Variants in LRRC8D observed in about 807,000 individuals in gnomAD.
LRRC8D encodes volume-regulated anion channel subunit LRRC8D.
A neutral mutation model predicts 55.8 loss-of-function variants in LRRC8D; 20 were observed. That is an observed-to-expected ratio of 0.36 (90% CI 0.25 to 0.52). LRRC8D has a LOEUF of 0.52. Ranked by LOEUF, LRRC8D falls within the 20% of genes least tolerant of loss-of-function variation. The probability of loss-of-function intolerance (pLI) is 0.93; values close to 1 mark genes in which losing one functional copy is unlikely to be tolerated. For missense variants in LRRC8D, 651 were observed against 1,030.8 expected (o/e 0.63, Z 5.05); for synonymous variants, 352 against 377.0 (o/e 0.93, Z 0.77).
chr1:89,858,326 A>G (rs966325941), intron 2 of LRRC8D, among the ~76,000 whole-genome samples: 3 of 152,206 alleles, frequency 2.0e-5, no homozygotes, highest in Non-Finnish European at 4.4e-5. Flanking sequence ...AGGGGATGTC[A>G]GGTAGTATCT....
intron 2 of LRRC8D, among the ~76,000 whole-genome samples, chr1:89,895,614 A>G (rs547813771): frequency 6.6e-6 from 1 of 152,236 alleles, no homozygotes; most frequent in Admixed American, 6.5e-5. Context: ...AAAAATTAAA[A>G]TATCTTCAAG....
intron 2 of LRRC8D, among the ~76,000 whole-genome samples, chr1:89,856,693 G>T (rs954602765): frequency 6.6e-6 from 1 of 151,936 alleles, no homozygotes; most frequent in African/African-American, 2.4e-5. Context: ...ATTTAAAATG[G>T]GTCTCTTGTA....
intron 1 of LRRC8D, among the ~76,000 whole-genome samples, chr1:89,841,604 A>G (rs1011316680): frequency 6.6e-6 from 1 of 152,214 alleles, no homozygotes; most frequent in African/African-American, 2.4e-5. Flanking sequence ...CCCCAGTTAG[A>G]GAAAAAATAA....
At chr1:89,883,412 A>G (rs1662333988) in intron 2 of LRRC8D, among the ~76,000 whole-genome samples, 1 of 152,162 alleles carries the variant, frequency 6.6e-6, no homozygotes, top group African/African-American at 2.4e-5. Flanking sequence ...GGGGATATCC[A>G]AGCATGACCA....
At chr1:89,905,532 C>T (rs1557477562) in intron 2 of LRRC8D, among the ~76,000 whole-genome samples, 1 of 152,172 alleles carries the variant, frequency 6.6e-6, no homozygotes, top group Non-Finnish European at 1.5e-5. Flanking sequence ...AAGTGAATAA[C>T]CCCTCTTTCC....
intron 2 of LRRC8D, among the ~76,000 whole-genome samples, chr1:89,871,339 A>G (rs1662001179): frequency 6.6e-6 from 1 of 152,190 alleles, no homozygotes; most frequent in Admixed American, 6.5e-5. Flanking sequence ...TTGCGGTTGA[A>G]TCGGTATTTG....
intron 2 of LRRC8D, among the ~76,000 whole-genome samples, chr1:89,913,983 G>A (rs1289812014): frequency 2.0e-5 from 3 of 152,156 alleles, no homozygotes; most frequent in African/African-American, 7.2e-5. Flanking sequence ...ATTCTGATAC[G>A]GAAAAGTGTG....
intron 2 of LRRC8D, among the ~76,000 whole-genome samples, chr1:89,899,399 C>G (rs1662792941): frequency 6.6e-6 from 1 of 152,184 alleles, no homozygotes; most frequent in South Asian, 2.1e-4. Context: ...TGCTGCTGTG[C>G]CATGTCTGGC....
At chr1:89,856,709 T>C (rs1661562644) in intron 2 of LRRC8D, among the ~76,000 whole-genome samples, 1 of 152,216 alleles carries the variant, frequency 6.6e-6, no homozygotes, top group Non-Finnish European at 1.5e-5. Context: ...TTGTAGACGG[T>C]ATATATTTGG....
chr1:89,855,800 T>G (rs895347345), intron 2 of LRRC8D, among the ~76,000 whole-genome samples: 10 of 152,226 alleles, frequency 6.6e-5, no homozygotes, highest in Non-Finnish European at 1.0e-4. Flanking sequence ...AAATATGTTC[T>G]TCCATTTCCT....
At chr1:89,856,865 C>T (rs1661568247) in intron 2 of LRRC8D, among the ~76,000 whole-genome samples, 1 of 152,132 alleles carries the variant, frequency 6.6e-6, no homozygotes, top group African/African-American at 2.4e-5. Context: ...TGCTCTGTTT[C>T]TCCCCCCACA....
chr1:89,867,592 G>A (rs1022094831), intron 2 of LRRC8D, among the ~76,000 whole-genome samples: 2 of 151,976 alleles, frequency 1.3e-5, no homozygotes, highest in Non-Finnish European at 2.9e-5. Context: ...TTTTTAGGTG[G>A]AGATATATTT....
chr1:89,847,789 A>G (rs534556476), intron 2 of LRRC8D, among the ~76,000 whole-genome samples: 7 of 152,348 alleles, frequency 4.6e-5, no homozygotes, highest in African/African-American at 9.6e-5. Flanking sequence ...TTTACTTCGT[A>G]TCTCTTATAA....
intron 2 of LRRC8D, among the ~76,000 whole-genome samples, chr1:89,885,114 C>A (rs1447991926): frequency 6.6e-6 from 1 of 152,166 alleles, no homozygotes; most frequent in African/African-American, 2.4e-5. Flanking sequence ...CATCTGTCTG[C>A]TGCCTATTAA....
chr1:89,914,648 T>A (rs1479201255), intron 2 of LRRC8D, among the ~76,000 whole-genome samples: 1 of 151,972 alleles, frequency 6.6e-6, no homozygotes, highest in African/African-American at 2.4e-5. Context: ...CCTGGAAACG[T>A]CCCTGGTTTT....
At chr1:89,843,615 C>CGGTGG in intron 1 of LRRC8D, 23 bp from the exon 2 acceptor site, 1 of 701,518 alleles carries the variant, frequency 1.4e-6, no homozygotes, top group Admixed American at 2.0e-5. Flanking sequence ...CTAGCTCTTT[C>CGGTGG]TCTCCCCTGT....
At chr1:89,899,008 T>G (rs1662781762) in intron 2 of LRRC8D, among the ~76,000 whole-genome samples, 1 of 152,212 alleles carries the variant, frequency 6.6e-6, no homozygotes. Context: ...GGTGTTCCAG[T>G]TGGGCTTTTC....
At chr1:89,899,810 A>C (rs188018941) in intron 2 of LRRC8D, among the ~76,000 whole-genome samples, 210 of 152,350 alleles carry the variant, frequency 1.4e-3, no homozygotes, top group Non-Finnish European at 2.0e-3. Context: ...GGATCCTTTG[A>C]AACCTTTCTG....
intron 1 of LRRC8D, among the ~76,000 whole-genome samples, chr1:89,833,413 C>A (rs1447405970): frequency 6.6e-6 from 1 of 152,192 alleles, no homozygotes; most frequent in Non-Finnish European, 1.5e-5. Context: ...TTGTTTTTAA[C>A]AGCACAAAAC....
Sources: allele counts gnomAD v4.1 joint callset (sites outside exome capture counted in the v4.1 genomes callset), GRCh38; gene constraint gnomAD v4.1.1; transcripts MANE v1.5; gene names NCBI Gene and HGNC (gene_info 2026-07-23, HGNC 2026-07-21).